Variants in KDM4C observed in about 807,000 individuals in gnomAD.
The protein encoded by KDM4C is lysine-specific demethylase 4C.
Under a neutral mutation model 129.3 loss-of-function variants are expected in KDM4C, and 81 were observed. The ratio of observed to expected loss-of-function variants is 0.63; its 90% confidence interval spans 0.52 to 0.75. The LOEUF (loss-of-function observed/expected upper bound fraction) is 0.75, where lower values mean the gene tolerates loss of function less well. Ranked by LOEUF, KDM4C falls within the 30% of genes least tolerant of loss-of-function variation. The pLI, the probability that KDM4C is intolerant of heterozygous loss-of-function variation, is 0.00. For synonymous variants in KDM4C, 573 were observed against 456.1 expected, an observed-to-expected ratio of 1.26 and a Z score of -3.26; for missense variants, 1,457 against 1,304.0, an observed-to-expected ratio of 1.12 and a Z score of -1.81.
At chr9:6,771,809 C>T (rs1050016950) in intron 1 of KDM4C, among the ~76,000 whole-genome samples, 1 of 151,868 alleles carries the variant, frequency 6.6e-6, no homozygotes, top group Non-Finnish European at 1.5e-5. Flanking sequence ...GTGAGGGGCT[C>T]GCTGCCCAGG....
intron 8 of KDM4C, among the ~76,000 whole-genome samples, chr9:6,957,422 T>C (rs1040515734): frequency 2.6e-5 from 4 of 152,210 alleles, no homozygotes; most frequent in Admixed American, 6.5e-5. Context: ...AACTCTCTTA[T>C]GGGACCCTGT....
At chr9:6,834,595 G>C in intron 4 of KDM4C, 1 of 740,748 alleles carries the variant, frequency 1.3e-6, no homozygotes, top group South Asian at 1.4e-5. Context: ...TGGTGGGCAT[G>C]GGTCGGAAGG....
chr9:6,782,770 C>T (rs143140767), intron 1 of KDM4C, among the ~76,000 whole-genome samples: 125 of 152,204 alleles, frequency 8.2e-4, no homozygotes, highest in Admixed American at 1.7e-3. Context: ...ATAGCATCAT[C>T]AGTTTTGTGT....
At chr9:7,019,769 T>C (rs1266254166) in intron 15 of KDM4C, among the ~76,000 whole-genome samples, 10 of 144,122 alleles carry the variant, frequency 6.9e-5, no homozygotes, top group Non-Finnish European at 3.0e-5. Context: ...AAAAATATAA[T>C]ATTTTTATAT....
chr9:6,857,016 C>G (rs1290733400), intron 5 of KDM4C, among the ~76,000 whole-genome samples: 2 of 152,130 alleles, frequency 1.3e-5, no homozygotes, highest in African/African-American at 4.8e-5. Flanking sequence ...CTCGGCCTCC[C>G]ATAATTTTTG....
At chr9:6,724,306 A>T (rs1477406788) in intron 1 of KDM4C, among the ~76,000 whole-genome samples, 1 of 152,010 alleles carries the variant, frequency 6.6e-6, no homozygotes, top group Admixed American at 6.6e-5. Context: ...TGCCTGGTAT[A>T]CTCCATTTAA....
intron 19 of KDM4C, among the ~76,000 whole-genome samples, chr9:7,153,587 T>C (rs970418544): frequency 6.6e-6 from 1 of 152,158 alleles, no homozygotes; most frequent in African/African-American, 2.4e-5. Flanking sequence ...CTTTGCATGG[T>C]GTGGGAAGTC....
chr9:7,086,327 T>TA (rs1835111180), intron 17 of KDM4C, among the ~76,000 whole-genome samples: 2 of 152,206 alleles, frequency 1.3e-5, no homozygotes, highest in Admixed American at 1.3e-4. Context: ...TCCCCTCTCA[T>TA]ATACAGTGAT....
intron 17 of KDM4C, among the ~76,000 whole-genome samples, chr9:7,085,081 G>T (rs1351727174): frequency 6.6e-6 from 1 of 152,194 alleles, no homozygotes; most frequent in African/African-American, 2.4e-5. Context: ...GTAAAGGAAG[G>T]GTGTATTCGA....
intron 8 of KDM4C, among the ~76,000 whole-genome samples, chr9:6,918,930 C>T (rs1246916700): frequency 1.3e-5 from 2 of 152,094 alleles, no homozygotes; most frequent in Non-Finnish European, 2.9e-5. Flanking sequence ...TAGCTCACTG[C>T]AACCTCTGCT....
chr9:7,122,241 A>ACC lies in KDM4C; in HGVS notation c.2611-5824_2611-5823insCC, dbSNP rs545785536. Among the ~76,000 whole-genome samples, 16 of 102,572 alleles carry ACC rather than the reference A, an allele frequency of 1.6e-4. 1 individual carries two copies. The East Asian group carries it at 2.7e-3, about 17-fold the overall frequency. 67.3% of individuals were successfully genotyped at this position (102,572 alleles called of 152,430 possible). On this transcript the variant is annotated intron_variant, in intron 18 of 21. Transcript: ENST00000381309. ...GGAAGAGATAGCAGTGGGAGATGCC[A>ACC]CACACACACACACACACACACACAC...
At chr9:6,838,650 G>C (rs766299281) in intron 4 of KDM4C, among the ~76,000 whole-genome samples, 8 of 152,120 alleles carry the variant, frequency 5.3e-5, no homozygotes, top group Non-Finnish European at 1.2e-4. Context: ...GATGGTTGTT[G>C]TTGAGAATTC....
intron 4 of KDM4C, among the ~76,000 whole-genome samples, chr9:6,828,122 G>A (rs1216557035): frequency 6.6e-6 from 1 of 152,086 alleles, no homozygotes; most frequent in Non-Finnish European, 1.5e-5. Context: ...GGATCACTGT[G>A]GGAAAATTCA....
At position 6,919,529 on chromosome 9, in the gene KDM4C, ATCTGTCTGTCTG is replaced by A. The variant is rs61205193; in HGVS notation, c.921+26305_921+26316del. ...TGCCTATATTTCATCTTTCAATTTC[ATCTGTCTGTCTG>A]TCTGTCTATCTATCTATCTATCTAT... On this transcript the variant is annotated intron_variant, in intron 8 of 21. Coordinates refer to ENST00000381309, the MANE Select transcript of KDM4C (RefSeq NM_015061.6). 7.3e-3 allele frequency among the ~76,000 whole-genome samples: 1,047 copies of A among 142,938 alleles called. 10 individuals carry two copies. The highest frequency in any genetic ancestry group is 0.024 in the African/African-American group (905 of 37,944). 93.8% of individuals were successfully genotyped at this position (142,938 alleles called of 152,430 possible).
chr9:6,850,744 AT>A lies in KDM4C; in HGVS notation c.629+1050del, dbSNP rs1339596074. On this transcript the variant is annotated intron_variant, in intron 5 of 21. Transcript: ENST00000381309. ...ACCACACCCAGCCAATGTATTTTTT[AT>A]TTTTTATTTCTATTTATTTATTTTT... 2.0e-5 allele frequency among the ~76,000 whole-genome samples: 3 copies of A among 149,388 alleles called. No homozygotes were observed. In the East Asian group the frequency reaches 5.9e-4, roughly 30 times the overall value.
chr9:7,165,418 G>A, intron 20 of KDM4C, 61 bp downstream of exon 20: 1 of 1,562,726 alleles, frequency 6.4e-7, no homozygotes, highest in East Asian at 2.3e-5. Flanking sequence ...GAAGGAGATA[G>A]TATCTCAAGT....
chr9:6,925,981 C>T (rs1357749266), intron 8 of KDM4C, among the ~76,000 whole-genome samples: 1 of 152,072 alleles, frequency 6.6e-6, no homozygotes. Context: ...CCGTAAAGTA[C>T]CCTGGATTCC....
intron 3 of KDM4C, among the ~76,000 whole-genome samples, chr9:6,811,964 C>A (rs572178291): frequency 1.2e-4 from 18 of 152,294 alleles, no homozygotes; most frequent in African/African-American, 4.3e-4. Context: ...GGACTCTGAT[C>A]AGTTACTAGC....
At chr9:7,105,061 C>T (rs1837525617) in intron 18 of KDM4C, among the ~76,000 whole-genome samples, 2 of 152,038 alleles carry the variant, frequency 1.3e-5, no homozygotes, top group African/African-American at 2.4e-5. Context: ...ATGCCTTTTC[C>T]ATAGTTTCTT....
Sources: allele counts gnomAD v4.1 joint callset (sites outside exome capture counted in the v4.1 genomes callset), GRCh38; gene constraint gnomAD v4.1.1; transcripts MANE v1.5; gene names NCBI Gene and HGNC (gene_info 2026-07-23, HGNC 2026-07-21).